MGLL: variants seen among roughly 807,000 people sequenced by gnomAD.
MGLL encodes the protein lysophospholipase homolog.
MGLL carries 7 observed loss-of-function variants against 29.1 expected under a neutral mutation model. The observed-to-expected ratio is 0.24, with a 90% confidence interval of 0.14 to 0.45. The LOEUF (loss-of-function observed/expected upper bound fraction) is 0.45, where lower values mean the gene tolerates loss of function less well. Ranked by LOEUF, MGLL falls within the 20% of genes least tolerant of loss-of-function variation. The pLI is 0.99. For missense variants in MGLL, 356 were observed against 413.6 expected (o/e 0.86, Z 1.21); for synonymous variants, 148 against 168.3 (o/e 0.88, Z 0.93).
At chr3:127,748,204 C>T (rs1576543250) in intron 3 of MGLL, among the ~76,000 whole-genome samples, 1 of 152,120 alleles carries the variant, frequency 6.6e-6, no homozygotes, top group Non-Finnish European at 1.5e-5. Context: ...CATGCCTACC[C>T]AGACTAGGGT....
intron 3 of MGLL, among the ~76,000 whole-genome samples, chr3:127,769,508 AG>A (rs2076914310): frequency 6.6e-6 from 1 of 152,188 alleles, no homozygotes; most frequent in Non-Finnish European, 1.5e-5. Context: ...CCTGTGACGG[AG>A]GTAGTGCATC....
chr3:127,753,850 T>A (rs988224915), intron 3 of MGLL, among the ~76,000 whole-genome samples: 1 of 152,044 alleles, frequency 6.6e-6, no homozygotes, highest in African/African-American at 2.4e-5. Context: ...CACAGGCAGG[T>A]CTCCACCGGC....
At chr3:127,792,395 GA>G (rs1245931009) in intron 2 of MGLL, among the ~76,000 whole-genome samples, 1 of 152,144 alleles carries the variant, frequency 6.6e-6, no homozygotes, top group African/African-American at 2.4e-5. Context: ...GCCTCAGTTG[GA>G]AAACAGGAAT....
At position 127,776,732 on chromosome 3, in the gene MGLL, C is replaced by T. The variant is rs373465452; in HGVS notation, c.262+5057G>A. Among the ~76,000 whole-genome samples, 28 of 152,336 alleles carry T rather than the reference C, an allele frequency of 1.8e-4. 1 individual carries two copies. Among genetic ancestry groups the T allele is most frequent in the Non-Finnish European group, 2.5e-4 (17 of 68,018 alleles). Reference sequence around the variant, plus strand: ...AGGGGACCCGGCAGTGCCCTGCTTACGTGGATACCTTAATGTGGATGTTCT... The same window carrying T: ...AGGGGACCCGGCAGTGCCCTGCTTATGTGGATACCTTAATGTGGATGTTCT... On this transcript the variant is annotated intron_variant, in intron 3 of 7. Coordinates refer to ENST00000265052, the MANE Select transcript of MGLL (RefSeq NM_007283.7).
chr3:127,778,143 A>T (rs368889227), intron 3 of MGLL, among the ~76,000 whole-genome samples: 2 of 152,250 alleles, frequency 1.3e-5, no homozygotes, highest in African/African-American at 4.8e-5. Flanking sequence ...CATGGTAGTA[A>T]AATCAGTTAG....
At chr3:127,748,188 T>G (rs200458879) in intron 3 of MGLL, among the ~76,000 whole-genome samples, 1 of 152,048 alleles carries the variant, frequency 6.6e-6, no homozygotes, top group East Asian at 1.9e-4. Context: ...TATTTTTCCA[T>G]AAAAGCATGC....
intron 3 of MGLL, among the ~76,000 whole-genome samples, chr3:127,737,305 G>T (rs895370740): frequency 1.3e-4 from 19 of 151,660 alleles, no homozygotes; most frequent in African/African-American, 4.6e-4. Flanking sequence ...GTAGTAAGGT[G>T]GAGGTCACCT....
chr3:127,815,725 TC>T (rs1381887166), intron 2 of MGLL, among the ~76,000 whole-genome samples: 13 of 152,200 alleles, frequency 8.5e-5, no homozygotes, highest in African/African-American at 3.1e-4. Flanking sequence ...GCTCACCAAC[TC>T]ATGGGGCAGC....
In MGLL at chr3:127,761,843, G is replaced by A. The variant is rs940097566; in HGVS notation, c.262+19946C>T. Among the ~76,000 whole-genome samples, 5 of 152,132 alleles carry A rather than the reference G, an allele frequency of 3.3e-5. No homozygotes were observed. Among genetic ancestry groups the A allele is most frequent in the Admixed American group, 6.5e-5 (1 of 15,278 alleles). On this transcript the variant is annotated intron_variant, in intron 3 of 7. Transcript: ENST00000265052. This position sits in a 1 kb window ranked among gnomAD's most constrained non-coding sequence, Gnocchi z 4.6. ...ATGCCCAGACAAGCACTAAATATGC[G>A]TAGTGCACCCAGCGCACTTGCCGGG... is the stretch of plus-strand genomic sequence containing the variant.
intron 2 of MGLL, among the ~76,000 whole-genome samples, chr3:127,786,872 G>A (rs1009978577): frequency 1.3e-5 from 2 of 152,180 alleles, no homozygotes; most frequent in Admixed American, 6.5e-5. Flanking sequence ...CTCCGATGGC[G>A]CAGGTAAGCC....
chr3:127,695,996 T>C (rs946449351), intron 6 of MGLL, among the ~76,000 whole-genome samples: 2 of 152,140 alleles, frequency 1.3e-5, no homozygotes, highest in African/African-American at 4.8e-5. Flanking sequence ...TAGGAGCCCC[T>C]GGAGGGGCTT....
At chr3:127,743,994 G>A (rs2076394594) in intron 3 of MGLL, among the ~76,000 whole-genome samples, 1 of 152,058 alleles carries the variant, frequency 6.6e-6, no homozygotes, top group African/African-American at 2.4e-5. Flanking sequence ...CATCATCCAA[G>A]CACAAGCTCG....
chr3:127,774,071 T>G (rs2076993270), intron 3 of MGLL, among the ~76,000 whole-genome samples: 1 of 152,170 alleles, frequency 6.6e-6, no homozygotes, highest in South Asian at 2.1e-4. Context: ...TCCAGTGGCT[T>G]CCAACATCCC....
At chr3:127,728,023 TTA>T (rs1392030076) in intron 3 of MGLL, among the ~76,000 whole-genome samples, 1 of 152,242 alleles carries the variant, frequency 6.6e-6, no homozygotes, top group Non-Finnish European at 1.5e-5. Context: ...CTCTGTGTGC[TTA>T]TGTTACTAAT....
rs774965066 is a variant in MGLL, at chr3:127,737,630, C to CTTTTTTTTTTTTTTTTTT, written c.263-15082_263-15065dup. Among the ~76,000 whole-genome samples, 102 of 68,606 alleles carry CTTTTTTTTTTTTTTTTTT rather than the reference C, an allele frequency of 1.5e-3. 13 individuals carry two copies. The highest frequency in any genetic ancestry group is 4.8e-3 in the African/African-American group (65 of 13,578). The allele number at this position is 68,606 out of a possible 152,430, so 45.0% of individuals were successfully genotyped here. On this transcript the variant is annotated intron_variant, in intron 3 of 7. Coordinates refer to ENST00000265052, the MANE Select transcript of MGLL (RefSeq NM_007283.7). ...GACACAGTGAAATCATCAACTGCTT[C>CTTTTTTTTTTTTTTTTTT]TTTTTTTTTTTTTTTTTTTTTTTTT... is the stretch of plus-strand genomic sequence containing the variant.
chr3:127,822,527 C>T, upstream of MGLL: 1 of 606,496 alleles, frequency 1.6e-6, no homozygotes, highest in South Asian at 2.0e-5. Context: ...GGGCTCCCCT[C>T]CCTCCCCAGG....
chr3:127,702,887 G>A (rs1559908926), intron 6 of MGLL, among the ~76,000 whole-genome samples: 1 of 152,144 alleles, frequency 6.6e-6, no homozygotes, highest in Non-Finnish European at 1.5e-5. Flanking sequence ...TAAAGACGGG[G>A]TTTCACCATG....
At chr3:127,706,603 T>G (rs1487685994) in intron 6 of MGLL, among the ~76,000 whole-genome samples, 4 of 152,222 alleles carry the variant, frequency 2.6e-5, no homozygotes. Flanking sequence ...CATGGAGCCA[T>G]ATGCCCAAGA....
At chr3:127,769,729 C>T (rs2076918192) in intron 3 of MGLL, among the ~76,000 whole-genome samples, 1 of 152,256 alleles carries the variant, frequency 6.6e-6, no homozygotes, top group African/African-American at 2.4e-5. Flanking sequence ...AGCATTTCCC[C>T]AGTGCCCAGA....
Sources: gnomAD v4.1 joint callset for allele counts (sites outside exome capture counted in the v4.1 genomes callset) on GRCh38, gnomAD v4.1.1 for gene constraint, Gnocchi (gnomAD v3.1) non-coding constraint, MANE v1.5 for transcripts, NCBI Gene and HGNC (gene_info 2026-07-23, HGNC 2026-07-21) for gene names.